Variants in RPS6KC1 observed in about 807,000 individuals in gnomAD.
The protein encoded by RPS6KC1 is ribosomal protein S6 kinase C1.
In RPS6KC1, 54 loss-of-function variants were observed where a neutral mutation model predicts 103.8. That is an observed-to-expected ratio of 0.52 (90% confidence interval 0.42 to 0.65). The LOEUF (loss-of-function observed/expected upper bound fraction) is 0.65. Among genes scored for constraint, RPS6KC1 ranks in the 30% least tolerant of loss-of-function variants. The probability of loss-of-function intolerance (pLI) is 0.00; values close to 1 mark genes in which losing one functional copy is unlikely to be tolerated. For missense variants in RPS6KC1, 1,151 were observed against 1,253.8 expected (o/e 0.92, Z 1.24); for synonymous variants, 439 against 438.7 (o/e 1.00, Z -0.01).
chr1:213,696,730 A>AG, the RPS6KC1 span, among the ~76,000 whole-genome samples: 2 of 152,136 alleles, frequency 1.3e-5, no homozygotes, highest in African/African-American at 2.4e-5. Flanking sequence ...AAGGATAGAG[A>AG]GGGAAAAACC....
At chr1:213,740,081 A>T in the RPS6KC1 span, among the ~76,000 whole-genome samples, 1 of 152,140 alleles carries the variant, frequency 6.6e-6, no homozygotes, top group Non-Finnish European at 1.5e-5. Context: ...GAAAAAACTT[A>T]TGGACATTTT....
the RPS6KC1 span, among the ~76,000 whole-genome samples, chr1:213,738,055 T>C: frequency 1.3e-5 from 2 of 152,208 alleles, no homozygotes; most frequent in Non-Finnish European, 2.9e-5. Flanking sequence ...GAGTTTGCAA[T>C]AGGGCCTCAC....
the RPS6KC1 span, among the ~76,000 whole-genome samples, chr1:213,446,986 A>T: frequency 6.6e-6 from 1 of 152,184 alleles, no homozygotes; most frequent in African/African-American, 2.4e-5. Flanking sequence ...TGCTCAATAT[A>T]TATCAAGAAA....
At chr1:213,320,249 A>G in the RPS6KC1 span, among the ~76,000 whole-genome samples, 1 of 152,392 alleles carries the variant, frequency 6.6e-6, no homozygotes, top group South Asian at 2.1e-4. Context: ...TCTATTACCC[A>G]GCAAATTAGG....
At chr1:213,131,261 AAC>A (rs972081863) in intron 6 of RPS6KC1, among the ~76,000 whole-genome samples, 2 of 152,176 alleles carry the variant, frequency 1.3e-5, no homozygotes, top group Admixed American at 6.5e-5. Flanking sequence ...GGAACCTGTT[AAC>A]ACAGTTTCAA....
chr1:213,280,941 C>T, the RPS6KC1 span, among the ~76,000 whole-genome samples: 1 of 152,198 alleles, frequency 6.6e-6, no homozygotes, highest in African/African-American at 2.4e-5. Context: ...ACACTATTGC[C>T]AAAATCACCA....
the RPS6KC1 span, among the ~76,000 whole-genome samples, chr1:213,433,899 T>C: frequency 6.6e-6 from 1 of 152,232 alleles, no homozygotes; most frequent in Non-Finnish European, 1.5e-5. Context: ...GTCTGTGGCT[T>C]GTTTTTTCCT....
intron 8 of RPS6KC1, chr1:213,205,476 T>G: frequency 9.1e-6 from 5 of 549,174 alleles, no homozygotes; most frequent in Non-Finnish European, 1.1e-5. Flanking sequence ...ACCAAGAACC[T>G]AAGGAATAGT....
the RPS6KC1 span, among the ~76,000 whole-genome samples, chr1:213,389,170 G>A: frequency 6.6e-6 from 1 of 151,842 alleles, no homozygotes; most frequent in African/African-American, 2.4e-5. Flanking sequence ...AAAACAAGGA[G>A]TAGCTGTTTT....
At chr1:213,674,144 G>A in the RPS6KC1 span, among the ~76,000 whole-genome samples, 9 of 152,072 alleles carry the variant, frequency 5.9e-5, no homozygotes, top group East Asian at 1.9e-4. Flanking sequence ...TCAGTCTCCC[G>A]AGTAGCTGGG....
At chr1:213,208,101 C>G (rs1036958351) in intron 8 of RPS6KC1, among the ~76,000 whole-genome samples, 1 of 152,104 alleles carries the variant, frequency 6.6e-6, no homozygotes. Context: ...CCCCCATTTG[C>G]GTATTCTTAT....
the RPS6KC1 span, among the ~76,000 whole-genome samples, chr1:213,433,361 A>T: frequency 6.6e-6 from 1 of 152,248 alleles, no homozygotes; most frequent in Non-Finnish European, 1.5e-5. Context: ...CCTTAATTAC[A>T]ACTGCAAAGC....
chr1:213,621,044 G>A, the RPS6KC1 span, among the ~76,000 whole-genome samples: 3 of 152,092 alleles, frequency 2.0e-5, no homozygotes, highest in African/African-American at 7.2e-5. Flanking sequence ...TCTGTGTCCA[G>A]TAAGTAACCC....
At chr1:213,114,270 C>T (rs2083335982) in intron 4 of RPS6KC1, among the ~76,000 whole-genome samples, 1 of 148,238 alleles carries the variant, frequency 6.7e-6, no homozygotes, top group African/African-American at 2.5e-5. Flanking sequence ...TGAAGAGGTC[C>T]TTCACATCCC....
chr1:213,529,993 G>A, the RPS6KC1 span, among the ~76,000 whole-genome samples: 59 of 151,908 alleles, frequency 3.9e-4, no homozygotes, highest in Admixed American at 3.3e-3. Flanking sequence ...AGTCCTGAGC[G>A]TTCAGGAACA....
the RPS6KC1 span, among the ~76,000 whole-genome samples, chr1:213,463,911 T>C: frequency 6.6e-6 from 1 of 152,216 alleles, no homozygotes; most frequent in Non-Finnish European, 1.5e-5. Flanking sequence ...ATTGTAGTCA[T>C]TGATATCAGA....
At chr1:213,287,992 CCA>C in the RPS6KC1 span, among the ~76,000 whole-genome samples, 1 of 152,108 alleles carries the variant, frequency 6.6e-6, no homozygotes, top group African/African-American at 2.4e-5. Flanking sequence ...GCTAAATGAA[CCA>C]GAGTGCTCCT....
chr1:213,082,444 A>G (rs1047109818), intron 3 of RPS6KC1, among the ~76,000 whole-genome samples: 6 of 151,038 alleles, frequency 4.0e-5, no homozygotes, highest in Admixed American at 6.6e-5. Context: ...AAAATAAATA[A>G]TAAAAAAAAG....
the RPS6KC1 span, among the ~76,000 whole-genome samples, chr1:213,327,483 G>A: frequency 6.6e-6 from 1 of 152,296 alleles, no homozygotes; most frequent in South Asian, 2.1e-4. Context: ...TTCCACTCAG[G>A]TTTTTGGTCA....
Sources: allele counts gnomAD v4.1 joint callset (sites outside exome capture counted in the v4.1 genomes callset), GRCh38; gene constraint gnomAD v4.1.1; transcripts MANE v1.5; gene names NCBI Gene and HGNC (gene_info 2026-07-23, HGNC 2026-07-21).